The following FYCO1 variants were observed in gnomAD, a reference collection of about 807,000 sequenced individuals.
FYCO1 encodes FYVE and coiled-coil domain autophagy adaptor 1.
Under a neutral mutation model 165.1 loss-of-function variants are expected in FYCO1, and 122 were observed. The observed-to-expected ratio is 0.74, with a 90% CI of 0.64 to 0.86. The LOEUF (loss-of-function observed/expected upper bound fraction) is 0.86, where lower values mean the gene tolerates loss of function less well. Ranked by LOEUF, FYCO1 falls within the 40% of genes least tolerant of loss-of-function variation. The pLI is 0.00. For synonymous variants in FYCO1, 648 were observed against 742.5 expected (o/e 0.87, Z 2.07); for missense variants, 1,702 against 1,810.3 (o/e 0.94, Z 1.09).
At chr3:45,968,920 G>A (rs1706267847) in intron 7 of FYCO1, among the ~76,000 whole-genome samples, 1 of 152,210 alleles carries the variant, frequency 6.6e-6, no homozygotes, top group South Asian at 2.1e-4. Flanking sequence ...ACCCATGTGA[G>A]CTCCACTGAG....
rs1703587960 is a variant in FYCO1 at position 45,931,124 on chromosome 3, A to G, written c.4198T>C (p.Ser1400Pro). 1 of 1,613,800 alleles carries G rather than the reference A, an allele frequency of 6.2e-7. No individual in the cohort carries two copies. The highest frequency in any genetic ancestry group is 1.3e-5 in the African/African-American group (1 of 74,888). Residue 1400 changes from serine (S) to proline (P), a missense_variant, in exon 16 of 18, where the codon TCC becomes CCC. Ser to Pro is a moderately conservative substitution (Grantham distance 74). Coordinates refer to ENST00000296137, the MANE Select transcript of FYCO1 (RefSeq NM_024513.4). The part of the protein sequence containing the change: ...WVFSSDPKSI[S>P]FSVVFQEAED... ...GCCTCCTGGAAGACCACACTGAAGG[A>G]GATGCTCTTGGGGTCAGAGGAGAAG...
chr3:45,984,579 T>G, intron 2 of FYCO1: 1 of 573,078 alleles, frequency 1.7e-6, no homozygotes, highest in Non-Finnish European at 3.1e-6. Flanking sequence ...CACACATGTG[T>G]GCACTAATGG....
intron 2 of FYCO1, 179 bp downstream of exon 2, chr3:45,984,677 C>T (rs1707227023): frequency 1.4e-6 from 1 of 720,936 alleles, no homozygotes; most frequent in African/African-American, 1.8e-5. Context: ...GCAAGCTTTC[C>T]AAGCCTTACA....
rs1208076466 is a variant in FYCO1 at position 45,968,418 on chromosome 3, G to A, written c.916C>T (p.Gln306Ter). 6.2e-7 allele frequency: 1 copy of A among 1,613,858 alleles called. No homozygotes were observed. Among genetic ancestry groups the A allele is most frequent in the East Asian group, 2.2e-5 (1 of 44,880 alleles). ...TCCTTCACAGTGTTCTGGGTGGCCT[G>A]GGTGACCTCCCACTGCTTCTGGAGC... Reference protein sequence around the residue: ...AELQKQWEVTQATQNTVKELQ... With the variant: ...AELQKQWEVT Residue 306 changes from glutamine (Q) to a stop codon, truncating the protein, a stop_gained, in exon 8 of 18, where the codon CAG becomes TAG. Transcript: ENST00000296137. LOFTEE classifies it high-confidence loss of function.
chr3:45,954,202 G>A lies in FYCO1; in HGVS notation c.3944+1047C>T, dbSNP rs150727142. On this transcript the variant is annotated intron_variant, in intron 14 of 17. Coordinates refer to ENST00000296137, the MANE Select transcript of FYCO1 (RefSeq NM_024513.4). ...ACAAATTCATAAACTTTCTTGAAAC[G>A]TTATGACATTTTTTGGGGGGGGTAA... Among the ~76,000 whole-genome samples the A allele has an allele frequency of 3.6e-3, 548 of 151,050 alleles. 8 individuals are homozygous for A. The highest frequency in any genetic ancestry group is 0.012 in the African/African-American group (506 of 41,424).
At chr3:45,958,331 A>G (rs548412163) in intron 13 of FYCO1, 77 bp downstream of exon 13, 2 of 1,312,012 alleles carry the variant, frequency 1.5e-6, no homozygotes, top group African/African-American at 1.4e-5. Flanking sequence ...GCTTATTAGC[A>G]CTAACTAGCC....
In FYCO1 at chr3:45,931,036, T is replaced by C. The variant is rs372220686; in HGVS notation, c.4251+35A>G. The C allele has an allele frequency of 4.2e-5, 67 of 1,596,340 alleles. No homozygotes were observed. In the African/African-American group the frequency reaches 6.0e-4, roughly 14 times the overall value. On this transcript the variant is annotated intron_variant, in intron 16 of 17. Coordinates refer to ENST00000296137, the MANE Select transcript of FYCO1 (RefSeq NM_024513.4). ...GCCTGCCCAAGTACCCAGATGTGTG[T>C]GTAAGGAGCCCACAGGCAGGGAGCC...
At chr3:45,960,687 A>G (rs1705653696) in intron 11 of FYCO1, among the ~76,000 whole-genome samples, 1 of 152,242 alleles carries the variant, frequency 6.6e-6, no homozygotes. Flanking sequence ...GAATTAGCAT[A>G]TCTAGGCTTT....
Position 45,962,241 on chromosome 3 carries a change from G to GC in FYCO1, c.3420dup (p.Leu1141AlafsTer27). On this transcript the variant is annotated frameshift_variant, in exon 11 of 18. Transcript: ENST00000296137. LOFTEE classifies it high-confidence loss of function. This position sits in a 1 kb window ranked among gnomAD's most constrained non-coding sequence, Gnocchi z 4.4. ...AGCACTCACCTGAGCAGCTCTATCA[G>GC]CCGCTCCTCGAGATACTTCTTGGTT... The GC allele has an allele frequency of 6.2e-7, 1 of 1,614,208 alleles. No individual in the cohort carries two copies. The highest frequency in any genetic ancestry group is 8.5e-7 in the Non-Finnish European group (1 of 1,180,026).
chr3:45,992,806 A>G (rs1040946922), intron 1 of FYCO1, among the ~76,000 whole-genome samples: 6 of 152,194 alleles, frequency 3.9e-5, no homozygotes, highest in African/African-American at 7.2e-5. Context: ...GGGGCTGCAG[A>G]GTCAACTTCA....
intron 13 of FYCO1, 87 bp from the exon 14 acceptor site, chr3:45,955,480 G>A (rs923395478): frequency 7.8e-6 from 11 of 1,413,228 alleles, no homozygotes; most frequent in Non-Finnish European, 1.1e-5. Context: ...AAGTGAGAGA[G>A]TGCAGCTATG....
chr3:45,987,368 TA>T (rs1401893365), intron 1 of FYCO1, among the ~76,000 whole-genome samples: 2 of 152,114 alleles, frequency 1.3e-5, no homozygotes, highest in East Asian at 3.9e-4. Flanking sequence ...CTATAAGTTA[TA>T]TCTCACAAAA....
At chr3:45,977,074 G>C (rs977873363) in intron 4 of FYCO1, among the ~76,000 whole-genome samples, 8 of 152,216 alleles carry the variant, frequency 5.3e-5, no homozygotes, top group African/African-American at 1.9e-4. Flanking sequence ...ATTGAGGTGA[G>C]AACAAAGTGT....
chr3:45,966,850 C>T lies in FYCO1; in HGVS notation c.2484G>A (p.Gln828=). The T allele has an allele frequency of 6.2e-7, 1 of 1,612,316 alleles. No individual in the cohort carries two copies. The highest frequency in any genetic ancestry group is 1.1e-5 in the South Asian group (1 of 91,086). The change falls in exon 8 of 18, where the codon CAG becomes CAA. Residue 828 remains glutamine, a synonymous_variant. Coordinates refer to ENST00000296137, the MANE Select transcript of FYCO1 (RefSeq NM_024513.4). The part of the protein sequence containing the change: ...AVLREHKTLV[Q]QLKEQNEALN... ...GGGCTTCATTCTGCTCCTTCAGCTG[C>T]TGCACAAGGGTTTTGTGCTCCCTCA...
In FYCO1 at chr3:45,966,897, G is replaced by A; in HGVS notation, c.2437C>T (p.Leu813=). 1 of 1,613,610 alleles carries A rather than the reference G, an allele frequency of 6.2e-7. No individual in the cohort carries two copies. Among genetic ancestry groups the A allele is most frequent in the South Asian group, 1.1e-5 (1 of 91,084 alleles). ...CTCAGGACGGCCTCAGCCATGCTTA[G>A]CTGGCTCTGCACCTTGTCCTGGTCA... The part of the protein sequence containing the change: ...LDDQDKVQSQ[L]SMAEAVLREH... Residue 813 remains leucine, a synonymous_variant, in exon 8 of 18, where the codon CTA becomes TTA. Coordinates refer to ENST00000296137, the MANE Select transcript of FYCO1 (RefSeq NM_024513.4).
intron 16 of FYCO1, among the ~76,000 whole-genome samples, chr3:45,925,838 G>A (rs767091256): frequency 7.2e-5 from 11 of 152,170 alleles, no homozygotes; most frequent in Non-Finnish European, 1.2e-4. Flanking sequence ...GCTGAGTTAG[G>A]ACAATTTAGC....
At chr3:45,956,501 G>A (rs1316751655) in intron 13 of FYCO1, among the ~76,000 whole-genome samples, 2 of 152,208 alleles carry the variant, frequency 1.3e-5, no homozygotes, top group Non-Finnish European at 2.9e-5. Flanking sequence ...TGGTTCAGGT[G>A]AGCTTAAAGT....
chr3:45,965,735 G>A (rs1705971139), intron 8 of FYCO1, among the ~76,000 whole-genome samples: 1 of 152,204 alleles, frequency 6.6e-6, no homozygotes, highest in Non-Finnish European at 1.5e-5. Context: ...AGGACATGAG[G>A]CAGCTGTGAA....
chr3:45,941,844 T>C (rs758642022), intron 14 of FYCO1, among the ~76,000 whole-genome samples: 7 of 152,200 alleles, frequency 4.6e-5, no homozygotes, highest in Non-Finnish European at 1.0e-4. Flanking sequence ...GCATGGTTGG[T>C]TGTCCCTGGG....
Sources: gnomAD v4.1 joint callset for allele counts (sites outside exome capture counted in the v4.1 genomes callset) on GRCh38, gnomAD v4.1.1 for gene constraint, Gnocchi (gnomAD v3.1) non-coding constraint, MANE v1.5 for transcripts, NCBI Gene and HGNC (gene_info 2026-07-23, HGNC 2026-07-21) for gene names.